The following NUP210L variants were observed in gnomAD, a reference collection of about 807,000 sequenced individuals.
NUP210L encodes nucleoporin 210 like.
NUP210L carries 74 observed loss-of-function variants against 208.5 expected under a neutral mutation model. The ratio of observed to expected loss-of-function variants is 0.35; its 90% CI spans 0.29 to 0.43. The LOEUF (loss-of-function observed/expected upper bound fraction) is 0.43. Among genes scored for constraint, NUP210L ranks in the 20% least tolerant of loss-of-function variants. The probability of loss-of-function intolerance (pLI) is 1.00; values close to 1 mark genes in which losing one functional copy is unlikely to be tolerated. For synonymous variants in NUP210L, 780 were observed against 816.9 expected (o/e 0.95, Z 0.77); for missense variants, 1,843 against 2,289.4 (o/e 0.81, Z 3.98).
chr1:154,046,462 T>TTACTGAATGTTAAA, intron 25 of NUP210L, 93 bp from the exon 26 acceptor site: 1 of 1,043,328 alleles, frequency 9.6e-7, no homozygotes, highest in Non-Finnish European at 1.5e-6. Context: ...CTATTGTTTT[T>TTACTGAATGTTAAA]AACATTCAGT....
chr1:153,997,262 C>CTT (rs11358509), intron 37 of NUP210L, among the ~76,000 whole-genome samples: 57 of 143,734 alleles, frequency 4.0e-4, no homozygotes, highest in South Asian at 2.4e-3. Context: ...TCGCGCTGGC[C>CTT]TTTTTTTTTT....
chr1:154,105,710 G>A (rs764105748), intron 12 of NUP210L, among the ~76,000 whole-genome samples: 1 of 152,172 alleles, frequency 6.6e-6, no homozygotes, highest in Non-Finnish European at 1.5e-5. Context: ...CCATAGTGAG[G>A]TAGAGCACCA....
intron 35 of NUP210L, among the ~76,000 whole-genome samples, chr1:154,004,715 C>T (rs1295498816): frequency 6.6e-6 from 1 of 151,936 alleles, no homozygotes; most frequent in Non-Finnish European, 1.5e-5. Context: ...GGTGTGATCA[C>T]GGCTCACTGC....
chr1:154,129,083 A>C (rs1001789921), intron 8 of NUP210L, among the ~76,000 whole-genome samples, 194 bp downstream of exon 8: 1 of 152,144 alleles, frequency 6.6e-6, no homozygotes, highest in Non-Finnish European at 1.5e-5. Context: ...TTTTTTTCAC[A>C]ATCTGTTTCA....
At chr1:154,058,320 AT>A in intron 21 of NUP210L, 104 bp from the exon 22 acceptor site, 1 of 1,274,434 alleles carries the variant, frequency 7.8e-7, no homozygotes, top group Non-Finnish European at 1.1e-6. Context: ...ATGCTAAATG[AT>A]CCTGGTCAGC....
chr1:154,059,752 T>C (rs1311307465), intron 20 of NUP210L, among the ~76,000 whole-genome samples: 2 of 152,182 alleles, frequency 1.3e-5, no homozygotes, highest in African/African-American at 4.8e-5. Flanking sequence ...ACCTTAGTCT[T>C]CCCTTTTTAA....
At chr1:154,014,671 C>T (rs571780208) in intron 33 of NUP210L, among the ~76,000 whole-genome samples, 6 of 152,276 alleles carry the variant, frequency 3.9e-5, no homozygotes, top group Admixed American at 3.9e-4. Context: ...AAAGAAGGCA[C>T]CAGATACCAT....
intron 13 of NUP210L, among the ~76,000 whole-genome samples, chr1:154,103,729 A>AAAAC (rs1233184339): frequency 2.0e-5 from 3 of 152,064 alleles, no homozygotes; most frequent in Non-Finnish European, 4.4e-5. Flanking sequence ...TCAAAAAACA[A>AAAAC]AAACAAACAA....
intron 32 of NUP210L, 127 bp from the exon 33 acceptor site, chr1:154,019,196 T>A: frequency 1.2e-6 from 1 of 855,320 alleles, no homozygotes; most frequent in Non-Finnish European, 1.8e-6. Flanking sequence ...AACAGCCAGC[T>A]TTGAAGATAA....
At chr1:154,130,313 C>A (rs968912476) in intron 7 of NUP210L, among the ~76,000 whole-genome samples, 2 of 151,980 alleles carry the variant, frequency 1.3e-5, no homozygotes, top group Non-Finnish European at 1.5e-5. Context: ...CACTCTGTCA[C>A]CCAGGCTAGA....
chr1:154,032,035 A>G (rs1158016186), intron 27 of NUP210L, among the ~76,000 whole-genome samples: 1 of 151,938 alleles, frequency 6.6e-6, no homozygotes, highest in Non-Finnish European at 1.5e-5. Context: ...CAGCCATCTC[A>G]TTCCTTTTTT....
At chr1:154,140,907 T>C (rs1298079075) in intron 4 of NUP210L, among the ~76,000 whole-genome samples, 4 of 146,008 alleles carry the variant, frequency 2.7e-5, no homozygotes, top group Admixed American at 1.4e-4. Flanking sequence ...GGCAGGAGAA[T>C]GGCGTGAACC....
intron 19 of NUP210L, 85 bp downstream of exon 19, chr1:154,060,857 G>A (rs1208648802): frequency 2.6e-6 from 2 of 771,560 alleles, no homozygotes; most frequent in East Asian, 2.5e-5. Context: ...CAACACATAA[G>A]TAAGTTTTTT....
At chr1:154,027,080 C>CAAAAAAAAAAGAA (rs1651924770) in intron 29 of NUP210L, among the ~76,000 whole-genome samples, 1 of 101,754 alleles carries the variant, frequency 9.8e-6, no homozygotes, top group African/African-American at 4.3e-5. Context: ...GAGACTGTCT[C>CAAAAAAAAAAGAA]AAAAAAAAAA....
chr1:154,096,913 T>C (rs1371159976), intron 14 of NUP210L, among the ~76,000 whole-genome samples: 1 of 151,848 alleles, frequency 6.6e-6, no homozygotes, highest in Non-Finnish European at 1.5e-5. Context: ...AAACCCCATA[T>C]CTACTAAAAA....
intron 34 of NUP210L, among the ~76,000 whole-genome samples, chr1:154,011,690 T>G (rs938178393): frequency 7.4e-6 from 1 of 134,860 alleles, no homozygotes; most frequent in Non-Finnish European, 1.6e-5. Context: ...TTTTTTTTTT[T>G]TTTTTTTTTT....
chr1:154,002,448 A>G (rs1442243967), intron 35 of NUP210L, among the ~76,000 whole-genome samples: 3 of 151,876 alleles, frequency 2.0e-5, no homozygotes, highest in Admixed American at 6.6e-5. Context: ...CCTGGCCAAC[A>G]TGGTGAAACC....
intron 27 of NUP210L, among the ~76,000 whole-genome samples, chr1:154,033,360 G>A (rs1054315350): frequency 7.2e-5 from 11 of 152,224 alleles, no homozygotes; most frequent in African/African-American, 2.6e-4. Context: ...ATGTTTTCTT[G>A]TAATATTTTC....
chr1:154,060,668 T>A, intron 19 of NUP210L, 27 bp from the exon 20 acceptor site: 1 of 1,439,738 alleles, frequency 6.9e-7, no homozygotes, highest in Non-Finnish European at 9.8e-7. Flanking sequence ...CAAACAATAT[T>A]CTGTTTGCTT....
Sources: allele counts gnomAD v4.1 joint callset (sites outside exome capture counted in the v4.1 genomes callset), GRCh38; gene constraint gnomAD v4.1.1; transcripts MANE v1.5; gene names NCBI Gene and HGNC (gene_info 2026-07-23, HGNC 2026-07-21).